Variants in NVL observed in about 807,000 individuals in gnomAD.
NVL encodes nuclear VCP like.
A neutral mutation model predicts 110.2 loss-of-function variants in NVL; 84 were observed. The ratio of observed to expected loss-of-function variants is 0.76; its 90% CI spans 0.64 to 0.91. The LOEUF (loss-of-function observed/expected upper bound fraction) is 0.91. Ranked by LOEUF, NVL falls within the 40% of genes least tolerant of loss-of-function variation. The pLI, the probability that NVL is intolerant of heterozygous loss-of-function variation, is 0.00. For missense variants in NVL, 882 were observed against 1,035.9 expected (o/e 0.85, Z 2.04); for synonymous variants, 354 against 361.1 (o/e 0.98, Z 0.22).
chr1:224,275,577 A>T (rs1665686374), intron 16 of NVL, 119 bp from the exon 17 acceptor site: 1 of 1,294,646 alleles, frequency 7.7e-7, no homozygotes, highest in South Asian at 1.3e-5. Flanking sequence ...TCCAGAAAGT[A>T]TCAGAATGAA....
chr1:224,329,409 G>A (rs1182750717), intron 1 of NVL, among the ~76,000 whole-genome samples: 1 of 152,114 alleles, frequency 6.6e-6, no homozygotes, highest in East Asian at 1.9e-4. Flanking sequence ...CAAGTTGGTA[G>A]GAAAAGATGG....
At chr1:224,248,719 A>T (rs1281325033) in intron 19 of NVL, among the ~76,000 whole-genome samples, 2 of 152,238 alleles carry the variant, frequency 1.3e-5, no homozygotes, top group African/African-American at 4.8e-5. Context: ...CCTGGGAAGG[A>T]GTATTGAAGA....
At chr1:224,313,548 AT>A (rs1281562191) in intron 4 of NVL, among the ~76,000 whole-genome samples, 8 of 152,230 alleles carry the variant, frequency 5.3e-5, no homozygotes, top group African/African-American at 1.7e-4. Context: ...GTTGTAATGC[AT>A]ATAAAGAGGT....
intron 13 of NVL, among the ~76,000 whole-genome samples, chr1:224,288,894 A>T (rs965434214): frequency 6.6e-6 from 1 of 152,238 alleles, no homozygotes; most frequent in East Asian, 1.9e-4. Flanking sequence ...TCTTGGACTG[A>T]TAACTGTCCC....
At chr1:224,229,702 C>A (rs1366722922) in intron 22 of NVL, among the ~76,000 whole-genome samples, 1 of 152,168 alleles carries the variant, frequency 6.6e-6, no homozygotes, top group Non-Finnish European at 1.5e-5. Flanking sequence ...CCCGCCTCAG[C>A]CTCCCAAAGT....
intron 2 of NVL, among the ~76,000 whole-genome samples, chr1:224,321,907 C>A (rs1423777349): frequency 1.3e-5 from 2 of 151,980 alleles, no homozygotes. Flanking sequence ...TTATTATAGA[C>A]ATGGCAGGGG....
At chr1:224,232,324 G>C (rs1300061456) in intron 21 of NVL, 1 of 151,922 alleles carries the variant, frequency 6.6e-6, no homozygotes, top group Non-Finnish European at 1.5e-5. Flanking sequence ...CTGCACTCCA[G>C]CCTGAGTGAG....
At chr1:224,231,681 G>A (rs1414410973) in intron 21 of NVL, among the ~76,000 whole-genome samples, 1 of 152,118 alleles carries the variant, frequency 6.6e-6, no homozygotes, top group Non-Finnish European at 1.5e-5. Flanking sequence ...ATCTTATGGA[G>A]CCATAATATC....
At chr1:224,303,502 TA>T (rs58860166) in intron 9 of NVL, among the ~76,000 whole-genome samples, 116 of 146,570 alleles carry the variant, frequency 7.9e-4, no homozygotes, top group Admixed American at 1.4e-3. Flanking sequence ...TTACATACAT[TA>T]AAAAAAAAAA....
At chr1:224,266,188 CT>C (rs907972021) in intron 18 of NVL, among the ~76,000 whole-genome samples, 1 of 152,070 alleles carries the variant, frequency 6.6e-6, no homozygotes, top group African/African-American at 2.4e-5. Context: ...TTCAATGAGG[CT>C]TTTTTGAGAG....
chr1:224,286,081 G>A lies in NVL; in HGVS notation c.1844C>T (p.Pro615Leu), dbSNP rs768296314. ...DQFKALGLVTPAGVLLAGPPG... is the reference protein window; with the variant it reads ...DQFKALGLVTLAGVLLAGPPG... ...AGGACCAGCAAGGAGGACCCCAGCT[G>A]GAGTCACCAATCCAAGAGCTTTGAA... The change falls in exon 15 of 23, where the codon CCA becomes CTA. Residue 615 changes from proline to leucine, a missense_variant. Physicochemically the swap from Pro to Leu is moderately conservative, Grantham distance 98. Coordinates refer to ENST00000281701, the MANE Select transcript of NVL (RefSeq NM_002533.4). The A allele has an allele frequency of 1.2e-6, 2 of 1,614,114 alleles. No homozygotes were observed. Among genetic ancestry groups the A allele is most frequent in the Non-Finnish European group, 1.7e-6 (2 of 1,179,996 alleles).
At chr1:224,323,586 A>G (rs193122039) in intron 2 of NVL, among the ~76,000 whole-genome samples, 1 of 152,298 alleles carries the variant, frequency 6.6e-6, no homozygotes, top group African/African-American at 2.4e-5. Flanking sequence ...AGGCTGTTGG[A>G]CTTCCAGGAT....
chr1:224,251,508 T>G (rs1487436186), intron 18 of NVL, among the ~76,000 whole-genome samples: 5 of 150,976 alleles, frequency 3.3e-5, no homozygotes, highest in Admixed American at 3.3e-4. Context: ...GGTGTGGTGG[T>G]CCACACCTGT....
intron 5 of NVL, among the ~76,000 whole-genome samples, chr1:224,309,069 A>C (rs964112954): frequency 0.01 from 1,515 of 149,312 alleles, 13 homozygotes; most frequent in East Asian, 0.035. Context: ...TCAACAAAAA[A>C]AAAAAAAAAA....
At chr1:224,258,991 A>G (rs1405570597) in intron 18 of NVL, among the ~76,000 whole-genome samples, 1 of 151,104 alleles carries the variant, frequency 6.6e-6, no homozygotes, top group East Asian at 1.9e-4. Context: ...AAAAAAAAAA[A>G]AAAAAAAAAA....
intron 18 of NVL, among the ~76,000 whole-genome samples, chr1:224,263,507 T>A (rs1664181919): frequency 6.6e-6 from 1 of 152,216 alleles, no homozygotes; most frequent in Admixed American, 6.5e-5. Flanking sequence ...GTCCTTTTTC[T>A]CCAAGTGTCC....
chr1:224,254,390 ATTT>A (rs36065511), intron 18 of NVL, among the ~76,000 whole-genome samples: 12 of 84,252 alleles, frequency 1.4e-4, no homozygotes, highest in Admixed American at 4.3e-4. Flanking sequence ...AGTGCCTGGC[ATTT>A]TTTTTTTTTT....
chr1:224,329,482 T>A (rs1270870783), intron 1 of NVL, among the ~76,000 whole-genome samples: 1 of 152,090 alleles, frequency 6.6e-6, no homozygotes, highest in African/African-American at 2.4e-5. Flanking sequence ...AATGTGTAGC[T>A]CACAAATTCC....
At chr1:224,259,580 C>T (rs557974632) in intron 18 of NVL, among the ~76,000 whole-genome samples, 1 of 152,236 alleles carries the variant, frequency 6.6e-6, no homozygotes, top group East Asian at 1.9e-4. Flanking sequence ...AAAATAATTA[C>T]AAGATCAGAC....
Sources: allele counts gnomAD v4.1 joint callset (sites outside exome capture counted in the v4.1 genomes callset), GRCh38; gene constraint gnomAD v4.1.1; transcripts MANE v1.5; gene names NCBI Gene and HGNC (gene_info 2026-07-23, HGNC 2026-07-21).